DNAAF9: variants seen among roughly 807,000 people sequenced by gnomAD.
DNAAF9 encodes dynein axonemal assembly factor 9, also known as shulin.
Under a neutral mutation model 167.0 loss-of-function variants are expected in DNAAF9, and 90 were observed. The ratio of observed to expected loss-of-function variants is 0.54; its 90% CI spans 0.45 to 0.64. The LOEUF is 0.64. Ranked by LOEUF, DNAAF9 falls within the 30% of genes least tolerant of loss-of-function variation. The pLI, the probability that DNAAF9 is intolerant of heterozygous loss-of-function variation, is 0.00. For synonymous variants in DNAAF9, 491 were observed against 508.8 expected, an observed-to-expected ratio of 0.96 and a Z score of 0.47; for missense variants, 1,315 against 1,442.2, an observed-to-expected ratio of 0.91 and a Z score of 1.43.
chr20:3,367,577 C>T (rs1877308808), intron 6 of DNAAF9, among the ~76,000 whole-genome samples: 1 of 151,986 alleles, frequency 6.6e-6, no homozygotes, highest in South Asian at 2.1e-4. Context: ...TATTAATTGG[C>T]CTAATTTCAA....
chr20:3,322,857 C>G (rs934814183), intron 14 of DNAAF9, among the ~76,000 whole-genome samples, 161 bp from the exon 15 acceptor site: 2 of 152,012 alleles, frequency 1.3e-5, no homozygotes, highest in Non-Finnish European at 2.9e-5. Context: ...CCCAGGGTCC[C>G]ACACCACCAG....
At chr20:3,336,699 C>T (rs1006764980) in intron 10 of DNAAF9, among the ~76,000 whole-genome samples, 3 of 151,740 alleles carry the variant, frequency 2.0e-5, no homozygotes, top group East Asian at 1.9e-4. Context: ...TTACAAGCGC[C>T]TGCCACCACG....
chr20:3,313,735 A>G (rs1262753727), intron 20 of DNAAF9, among the ~76,000 whole-genome samples: 1 of 152,224 alleles, frequency 6.6e-6, no homozygotes, highest in African/African-American at 2.4e-5. Flanking sequence ...TTGGACCCTC[A>G]AAATTCTACT....
At chr20:3,321,650 T>C (rs1000879466) in intron 16 of DNAAF9, among the ~76,000 whole-genome samples, 2 of 152,106 alleles carry the variant, frequency 1.3e-5, no homozygotes, top group Non-Finnish European at 2.9e-5. Flanking sequence ...TTCACTGCAG[T>C]CTCAAACTCC....
At chr20:3,331,059 A>G (rs1350039912) in intron 11 of DNAAF9, among the ~76,000 whole-genome samples, 2 of 152,036 alleles carry the variant, frequency 1.3e-5, no homozygotes, top group Non-Finnish European at 2.9e-5. Context: ...CCAAAGTGCT[A>G]GGATTACAGG....
intron 30 of DNAAF9, among the ~76,000 whole-genome samples, chr20:3,265,841 C>T (rs1217240310): frequency 1.3e-5 from 2 of 151,542 alleles, no homozygotes; most frequent in Non-Finnish European, 2.9e-5. Context: ...CCACGCCCTG[C>T]TAATTTTTGT....
intron 1 of DNAAF9, among the ~76,000 whole-genome samples, chr20:3,389,506 C>G (rs966573668): frequency 4.0e-5 from 6 of 151,846 alleles, no homozygotes; most frequent in Non-Finnish European, 7.4e-5. Context: ...GTGGCTCATG[C>G]CTGTAATTCC....
intron 6 of DNAAF9, among the ~76,000 whole-genome samples, chr20:3,367,674 T>A (rs1266991480): frequency 6.6e-6 from 1 of 152,090 alleles, no homozygotes. Flanking sequence ...AACACACACA[T>A]CATTTAAGTT....
At chr20:3,289,630 C>A (rs1027482134) in intron 26 of DNAAF9, among the ~76,000 whole-genome samples, 1 of 152,118 alleles carries the variant, frequency 6.6e-6, no homozygotes, top group African/African-American at 2.4e-5. Flanking sequence ...AGTGATCCTC[C>A]CACCTCAGCC....
At chr20:3,340,433 T>TCCGGGGGGGGCCCCCCCCCCCCCCCCC in intron 10 of DNAAF9, 71 bp downstream of exon 10, 2 of 223,206 alleles carry the variant, frequency 9.0e-6, no homozygotes, top group East Asian at 1.2e-4. Flanking sequence ...TTTGTCTAGC[T>TCCGGGGGGGGCCCCCCCCCCCCCCCCC]CCCCCCACCC....
chr20:3,339,979 A>C (rs984702166), intron 10 of DNAAF9, among the ~76,000 whole-genome samples: 22 of 152,258 alleles, frequency 1.4e-4, no homozygotes, highest in Non-Finnish European at 7.3e-5. Flanking sequence ...TCAAAATTCC[A>C]CTGAGATAGC....
intron 29 of DNAAF9, among the ~76,000 whole-genome samples, chr20:3,277,297 G>A (rs1361015812): frequency 6.6e-6 from 1 of 152,028 alleles, no homozygotes; most frequent in Admixed American, 6.6e-5. Context: ...TAGACATCGT[G>A]GATCTCTTTT....
At chr20:3,392,288 G>A (rs1316822455) in intron 1 of DNAAF9, among the ~76,000 whole-genome samples, 2 of 152,172 alleles carry the variant, frequency 1.3e-5, no homozygotes, top group Non-Finnish European at 2.9e-5. Context: ...TCTACCTTTA[G>A]AAGACGCATA....
Position 3,376,182 on chromosome 20 carries a change from T to C in DNAAF9, c.404A>G (p.Asn135Ser), listed in dbSNP as rs758898005. 2 of 1,612,478 alleles carry C rather than the reference T, an allele frequency of 1.2e-6. No homozygotes were observed. The highest frequency in any genetic ancestry group is 1.1e-5 in the South Asian group (1 of 90,538). ...TGTCTTCTCTTTTCTTCTTACCTCA[T>C]TTTCGGTCATGCAGTGGAAATGCAG... ...RNLHFHCMTE[N>S]EYEDEEAAEE... The change falls in exon 4 of 37, where the codon AAT (asparagine) becomes AGT (serine). Residue 135 changes from asparagine to serine, a missense_variant. Transcript: ENST00000252032.
chr20:3,327,783 T>C (rs539303450), intron 12 of DNAAF9, among the ~76,000 whole-genome samples: 6 of 152,292 alleles, frequency 3.9e-5, no homozygotes, highest in Admixed American at 3.3e-4. Context: ...CCACATCACA[T>C]TGCCACCTCC....
chr20:3,267,142 G>A (rs1346776804), intron 30 of DNAAF9, among the ~76,000 whole-genome samples: 3 of 152,156 alleles, frequency 2.0e-5, no homozygotes, highest in Non-Finnish European at 2.9e-5. Flanking sequence ...GTGAGCCACC[G>A]TGCCTGGCCC....
In DNAAF9 at chr20:3,304,477, G is replaced by A; in HGVS notation, c.1745C>T (p.Ser582Phe). The A allele has an allele frequency of 2.0e-6, 3 of 1,518,938 alleles. No homozygotes were observed. The highest frequency in any genetic ancestry group is 1.1e-5 in the South Asian group (1 of 89,046). The allele number at this position is 1,518,938 out of a possible 1,614,324, so 94.1% of individuals were successfully genotyped here. The change falls in exon 21 of 37, where the codon TCC (serine) becomes TTC (phenylalanine). Residue 582 changes from serine (S) to phenylalanine (F), a missense_variant. Physicochemically the swap from Ser to Phe is radical, Grantham distance 155 (BLOSUM62 -2). Around this residue, in one of 2 missense-constraint regions of DNAAF9, gnomAD observed 981 missense variants for 1,012.5 expected, o/e 0.97. Transcript: ENST00000252032. ...GGAAATGGAATTCATGTGATCCTTG[G>A]AAATGATGATACTTCTATGACGACA... The part of the protein sequence containing the change: ...SHCRHRSIII[S>F]KDHMNSISFY...
At chr20:3,337,643 AT>A (rs1176878014) in intron 10 of DNAAF9, among the ~76,000 whole-genome samples, 2 of 151,816 alleles carry the variant, frequency 1.3e-5, no homozygotes, top group African/African-American at 4.8e-5. Context: ...TGATTTTTCA[AT>A]TGAAACATGG....
chr20:3,375,179 T>G lies in DNAAF9; in HGVS notation c.409-53A>C, dbSNP rs527450243. The G allele has an allele frequency of 3.2e-5, 34 of 1,065,594 alleles. No individual in the cohort carries two copies. The Middle Eastern group carries it at 6.2e-4, about 20-fold the overall frequency. 66.0% of individuals were successfully genotyped at this position (1,065,594 alleles called of 1,614,324 possible). On this transcript the variant is annotated intron_variant, in intron 4 of 36. Transcript: ENST00000252032. ...AGCTCTGATGAGATATCACACAAAT[T>G]CCCATATTTTCTCTGCATTTTGTCA...
Sources: allele counts gnomAD v4.1 joint callset (sites outside exome capture counted in the v4.1 genomes callset), GRCh38; gene constraint gnomAD v4.1.1; regional missense constraint gnomAD v4.1.1; transcripts MANE v1.5; gene names NCBI Gene and HGNC (gene_info 2026-07-23, HGNC 2026-07-21).